Variants in LPP observed in about 807,000 individuals in gnomAD.
LPP encodes LIM domain containing preferred translocation partner in lipoma, also known as lipoma-preferred partner.
A neutral mutation model predicts 60.4 loss-of-function variants in LPP; 38 were observed. The ratio of observed to expected loss-of-function variants is 0.63; its 90% CI spans 0.49 to 0.83. The LOEUF is 0.83. Ranked by LOEUF, LPP falls within the 40% of genes least tolerant of loss-of-function variation. The probability of loss-of-function intolerance (pLI) is 0.00; values close to 1 mark genes in which losing one functional copy is unlikely to be tolerated. For synonymous variants in LPP, 328 were observed against 290.8 expected, an observed-to-expected ratio of 1.13 and a Z score of -1.30; for missense variants, 902 against 783.6, an observed-to-expected ratio of 1.15 and a Z score of -1.80.
intron 2 of LPP, chr3:188,247,202 A>G: frequency 3.0e-6 from 3 of 984,094 alleles, no homozygotes; most frequent in Non-Finnish European, 3.6e-6. Context: ...CCTGAGATCA[A>G]GGGTTCTGTG....
At chr3:188,828,614 CAAAAAA>C (rs71169022) in intron 9 of LPP, among the ~76,000 whole-genome samples, 20 of 31,340 alleles carry the variant, frequency 6.4e-4, no homozygotes, top group East Asian at 2.6e-3. Flanking sequence ...AACTCTGTCT[CAAAAAA>C]AAAAAAAAAA....
chr3:188,732,838 G>A (rs981479387), intron 8 of LPP, among the ~76,000 whole-genome samples: 1 of 151,960 alleles, frequency 6.6e-6, no homozygotes, highest in Non-Finnish European at 1.5e-5. Context: ...GAGTATTGGG[G>A]TATAAATTAA....
chr3:188,498,631 A>C (rs1810945231), intron 5 of LPP, among the ~76,000 whole-genome samples: 1 of 152,164 alleles, frequency 6.6e-6, no homozygotes, highest in Non-Finnish European at 1.5e-5. Flanking sequence ...GGGTGTAGAA[A>C]TCACTCTTTT....
intron 6 of LPP, among the ~76,000 whole-genome samples, chr3:188,604,742 G>T (rs998627684): frequency 1.3e-5 from 2 of 152,020 alleles, no homozygotes; most frequent in Non-Finnish European, 2.9e-5. Flanking sequence ...CAGCTTATGG[G>T]CTATGATATG....
intron 9 of LPP, among the ~76,000 whole-genome samples, chr3:188,772,469 C>T (rs74376945): frequency 0.023 from 3,458 of 152,166 alleles, 114 homozygotes; most frequent in African/African-American, 0.074. Flanking sequence ...GTGCGGGGTG[C>T]GGGGAGGTCA....
intron 2 of LPP, among the ~76,000 whole-genome samples, chr3:188,326,951 G>A (rs960481627): frequency 6.6e-6 from 1 of 152,084 alleles, no homozygotes. Context: ...CACAATGAAC[G>A]TGACTTTTTG....
chr3:188,552,034 A>G (rs1193922847), intron 6 of LPP, among the ~76,000 whole-genome samples: 1 of 152,174 alleles, frequency 6.6e-6, no homozygotes, highest in East Asian at 1.9e-4. Context: ...AACAGAAAAA[A>G]ATATTGCATT....
chr3:188,302,638 G>T (rs566098377), intron 2 of LPP, among the ~76,000 whole-genome samples: 1 of 152,240 alleles, frequency 6.6e-6, no homozygotes, highest in East Asian at 1.9e-4. Context: ...AGACAGAAAG[G>T]TCTCCTCCAC....
chr3:188,786,713 G>A (rs920446088), intron 9 of LPP, among the ~76,000 whole-genome samples: 7 of 152,092 alleles, frequency 4.6e-5, no homozygotes, highest in African/African-American at 9.7e-5. Context: ...ATGGTTAAAC[G>A]GTGGCACATT....
chr3:188,200,316 C>T (rs181315044), intron 1 of LPP, among the ~76,000 whole-genome samples: 41 of 149,574 alleles, frequency 2.7e-4, no homozygotes, highest in African/African-American at 9.1e-4. Flanking sequence ...GTGGTGCGAT[C>T]GCGGCTCACC....
At chr3:188,308,858 G>C (rs376077138) in intron 2 of LPP, among the ~76,000 whole-genome samples, 5 of 118,606 alleles carry the variant, frequency 4.2e-5, no homozygotes, top group African/African-American at 1.5e-4. Flanking sequence ...TGTTCTTCTT[G>C]TTCTTGTTCT....
intron 2 of LPP, among the ~76,000 whole-genome samples, chr3:188,329,027 T>A (rs558081327): frequency 4.7e-4 from 72 of 152,280 alleles, no homozygotes; most frequent in African/African-American, 1.7e-3. Context: ...CCACTGTTAT[T>A]TTTGTAGCAT....
At chr3:188,242,230 C>T (rs1054376350) in intron 2 of LPP, among the ~76,000 whole-genome samples, 2 of 152,148 alleles carry the variant, frequency 1.3e-5, no homozygotes, top group Non-Finnish European at 2.9e-5. Flanking sequence ...AATGGCTAAA[C>T]TTGATTTCTA....
rs1850652726 is a variant in LPP at position 188,643,913 on chromosome 3, A to T, written c.1113+34069A>T. On this transcript the variant is annotated intron_variant, in intron 7 of 11. Transcript: ENST00000617246. The stretch of plus-strand genomic sequence containing the variant: ...GGTAGATAGAGATAAAACCTTTGAT[A>T]CTTAAAGGAAGACAGAAATACTGCT... Among the ~76,000 whole-genome samples the T allele has an allele frequency of 1.3e-5, 2 of 152,208 alleles. 1 individual carries two copies. The highest frequency in any genetic ancestry group is 4.1e-4 in the South Asian group (2 of 4,830).
chr3:188,242,898 T>C (rs1398182591), intron 2 of LPP, among the ~76,000 whole-genome samples: 1 of 152,184 alleles, frequency 6.6e-6, no homozygotes, highest in Non-Finnish European at 1.5e-5. Flanking sequence ...TGAGGCATTA[T>C]GATTAATGAA....
Position 188,218,041 on chromosome 3 carries a change from C to T in LPP, c.-189-7364C>T, listed in dbSNP as rs373785867. On this transcript the variant is annotated intron_variant, in intron 1 of 11. Transcript: ENST00000617246. The stretch of plus-strand genomic sequence containing the variant: ...ACATGTTGTTTTTTCATGGTGTTGT[C>T]TGTTCATGCAGAGATTTCTGTCTCC... Among the ~76,000 whole-genome samples the T allele has an allele frequency of 5.9e-5, 9 of 152,206 alleles. No individual in the cohort carries two copies. The East Asian group carries it at 1.7e-3, about 30-fold the overall frequency.
chr3:188,399,357 A>C (rs1781701065), intron 3 of LPP, among the ~76,000 whole-genome samples: 1 of 138,500 alleles, frequency 7.2e-6, no homozygotes, highest in African/African-American at 3.4e-5. Context: ...TATAAAGAGA[A>C]TGTTTAAAAA....
At chr3:188,341,390 T>C (rs961932242) in intron 2 of LPP, among the ~76,000 whole-genome samples, 2 of 152,208 alleles carry the variant, frequency 1.3e-5, no homozygotes, top group Non-Finnish European at 2.9e-5. Context: ...AATATTCATT[T>C]TATATGGTTT....
chr3:188,800,486 C>T lies in LPP; in HGVS notation c.1410+40204C>T, dbSNP rs762011559. ...GGTCTCCATCTCCTGACCTCGTGAT[C>T]CGCCCACCTTGGCCTCCCAAAGTGC... On this transcript the variant is annotated intron_variant, in intron 9 of 11. Transcript: ENST00000617246. 4.3e-4 allele frequency among the ~76,000 whole-genome samples: 66 copies of T among 152,066 alleles called. 1 individual carries two copies. Among genetic ancestry groups the T allele is most frequent in the Non-Finnish European group, 3.2e-4 (22 of 67,980 alleles).
Sources: gnomAD v4.1 joint callset for allele counts (sites outside exome capture counted in the v4.1 genomes callset) on GRCh38, gnomAD v4.1.1 for gene constraint, MANE v1.5 for transcripts, NCBI Gene and HGNC (gene_info 2026-07-23, HGNC 2026-07-21) for gene names.